Variants in P2RY8 observed in about 807,000 individuals in gnomAD.
P2RY8 encodes the protein S-geranylgeranyl-glutathione receptor P2RY8.
A neutral mutation model predicts 10.0 loss-of-function variants in P2RY8; 6 were observed. The observed-to-expected ratio is 0.60, with a 90% CI of 0.33 to 1.19. The LOEUF (loss-of-function observed/expected upper bound fraction) is 1.19. P2RY8 is among the 50% of genes most tolerant of loss of function. P2RY8 has a pLI of 0.04. For synonymous variants in P2RY8, 276 were observed against 252.5 expected (o/e 1.09, Z -0.88); for missense variants, 456 against 542.0 (o/e 0.84, Z 1.58).
chrX:1,518,102 T>C (rs2092363894), intron 1 of P2RY8, among the ~76,000 whole-genome samples: 1 of 115,610 alleles, frequency 8.6e-6, no homozygotes, highest in African/African-American at 3.4e-5. Flanking sequence ...ACAGCGAAAC[T>C]CCATCTCAAA....
At chrX:1,508,708 A>ATCCATCCAT (rs2092258552) in intron 1 of P2RY8, among the ~76,000 whole-genome samples, 1 of 60,760 alleles carries the variant, frequency 1.6e-5, no homozygotes, top group Non-Finnish European at 3.4e-5. Flanking sequence ...CATCCATTCT[A>ATCCATCCAT]TCTATCTATC....
chrX:1,507,294 C>G (rs1179437923), intron 1 of P2RY8, among the ~76,000 whole-genome samples: 2 of 152,028 alleles, frequency 1.3e-5, no homozygotes. Flanking sequence ...GATGAAGTCC[C>G]CTAGATTTCA....
intron 1 of P2RY8, among the ~76,000 whole-genome samples, chrX:1,470,479 A>T (rs2091770821): frequency 2.0e-5 from 3 of 152,038 alleles, no homozygotes; most frequent in Admixed American, 2.0e-4. Context: ...AGATCACACC[A>T]TTGCACTCCA....
chrX:1,535,964 C>T (rs1398445828), intron 1 of P2RY8, among the ~76,000 whole-genome samples: 1 of 152,006 alleles, frequency 6.6e-6, no homozygotes, highest in African/African-American at 2.4e-5. Flanking sequence ...CTGAGGTGGC[C>T]GTGAGACCCG....
chrX:1,514,873 CCTG>C lies in P2RY8; in HGVS notation c.-25+22045_-25+22047del, dbSNP rs1203344777. Among the ~76,000 whole-genome samples the C allele has an allele frequency of 1.7e-3, 10 of 5,730 alleles. No homozygotes were observed. The East Asian group carries it at 0.046, about 26-fold the overall frequency. The allele number at this position is 5,730 out of a possible 152,430, so 3.8% of individuals were successfully genotyped here. A position where few individuals can be genotyped will look rare whatever the true frequency, so the allele number is the denominator to read the frequency against. On this transcript the variant is annotated intron_variant, in intron 1 of 1. Coordinates refer to ENST00000381297, the MANE Select transcript of P2RY8 (RefSeq NM_178129.5). Reference sequence around the variant, plus strand: ...TCCCTCCCCCTCCCCCTCCCCTTCCCCTGTCTTCCTCTCCCCTCCCCTTCCCCT... The same window carrying C: ...TCCCTCCCCCTCCCCCTCCCCTTCCCTCTTCCTCTCCCCTCCCCTTCCCCT...
At chrX:1,501,614 G>T (rs1284338045) in intron 1 of P2RY8, among the ~76,000 whole-genome samples, 1 of 151,818 alleles carries the variant, frequency 6.6e-6, no homozygotes, top group Non-Finnish European at 1.5e-5. Flanking sequence ...TATTATTTGA[G>T]ACAAAGTTTC....
At chrX:1,530,513 C>G (rs2092466853) in intron 1 of P2RY8, among the ~76,000 whole-genome samples, 1 of 150,236 alleles carries the variant, frequency 6.7e-6, no homozygotes, top group South Asian at 2.2e-4. Context: ...ATATATGTAT[C>G]TAATTTATGT....
chrX:1,465,063 C>T lies in P2RY8; in HGVS notation c.*416G>A, dbSNP rs1212610072. The T allele has an allele frequency of 1.5e-5, 4 of 265,548 alleles. No individual in the cohort carries two copies. Among genetic ancestry groups the T allele is most frequent in the Admixed American group, 1.4e-4 (3 of 20,780 alleles). The allele number at this position is 265,548 out of a possible 1,614,324, so 16.4% of individuals were successfully genotyped here. On this transcript the variant is annotated 3_prime_UTR_variant, in exon 2 of 2. Transcript: ENST00000381297. ...ATATCCAGAAACCGAGTCGGGTAGGCGGTGGGGCTGGTTGAATATCCACCC... is the reference window on the plus strand; with the variant it reads ...ATATCCAGAAACCGAGTCGGGTAGGTGGTGGGGCTGGTTGAATATCCACCC...
intron 1 of P2RY8, among the ~76,000 whole-genome samples, chrX:1,498,347 A>G (rs757328336): frequency 3.8e-3 from 526 of 139,406 alleles, no homozygotes; most frequent in Non-Finnish European, 5.8e-3. Flanking sequence ...CGGAGCTTGC[A>G]GTGAGCCGAG....
At chrX:1,507,608 C>T (rs4076179) in intron 1 of P2RY8, among the ~76,000 whole-genome samples, 5,444 of 152,162 alleles carry the variant, frequency 0.036, 323 homozygotes, top group African/African-American at 0.12. Flanking sequence ...GGGGCCGTGA[C>T]GGCACCCGGT....
chrX:1,533,864 ATATTATT>A (rs1456537095), intron 1 of P2RY8, among the ~76,000 whole-genome samples: 8 of 121,968 alleles, frequency 6.6e-5, no homozygotes, highest in Middle Eastern at 0.011. Flanking sequence ...ATGTATTTAT[ATATTATT>A]TATTATTTAT....
intron 1 of P2RY8, among the ~76,000 whole-genome samples, chrX:1,477,354 G>T (rs1462339332): frequency 6.6e-6 from 1 of 151,314 alleles, no homozygotes; most frequent in Non-Finnish European, 1.5e-5. Context: ...TCTATCAATC[G>T]ATCATCTATC....
chrX:1,474,527 G>A (rs111161766), intron 1 of P2RY8, among the ~76,000 whole-genome samples: 14,078 of 109,598 alleles, frequency 0.13, 2,161 homozygotes, highest in African/African-American at 0.37. Flanking sequence ...TAGATGGGTG[G>A]CTGGATAGAT....
intron 1 of P2RY8, among the ~76,000 whole-genome samples, chrX:1,490,902 C>A (rs2092039958): frequency 7.0e-6 from 1 of 142,606 alleles, no homozygotes; most frequent in African/African-American, 2.7e-5. Context: ...CCCAGATATT[C>A]CCTGCAAATG....
chrX:1,498,350 G>C (rs1362467033), intron 1 of P2RY8, among the ~76,000 whole-genome samples: 1 of 141,392 alleles, frequency 7.1e-6, no homozygotes, highest in Non-Finnish European at 1.5e-5. Flanking sequence ...AGCTTGCAGT[G>C]AGCCGAGATC....
At chrX:1,475,502 T>G (rs1341781615) in intron 1 of P2RY8, among the ~76,000 whole-genome samples, 3 of 151,822 alleles carry the variant, frequency 2.0e-5, no homozygotes, top group Non-Finnish European at 2.9e-5. Flanking sequence ...TTGCTGTTAT[T>G]TAAGCCACCA....
chrX:1,478,707 T>C (rs1397885213), intron 1 of P2RY8, among the ~76,000 whole-genome samples: 13 of 152,102 alleles, frequency 8.5e-5, no homozygotes, highest in Non-Finnish European at 1.8e-4. Context: ...CTCGAACTCC[T>C]GACCTTATGA....
intron 1 of P2RY8, among the ~76,000 whole-genome samples, chrX:1,512,542 G>A (rs1202509060): frequency 2.8e-3 from 154 of 55,112 alleles, no homozygotes; most frequent in African/African-American, 7.2e-3. Context: ...GTGAGACTCC[G>A]TCTCAAAAAA....
intron 1 of P2RY8, among the ~76,000 whole-genome samples, chrX:1,469,283 C>T (rs1397480271): frequency 3.8e-4 from 57 of 150,506 alleles, no homozygotes; most frequent in South Asian, 1.1e-3. Context: ...CCTGCCTCAG[C>T]CTCCTGAGTA....
Sources: allele counts gnomAD v4.1 joint callset (sites outside exome capture counted in the v4.1 genomes callset), GRCh38; gene constraint gnomAD v4.1.1; transcripts MANE v1.5; gene names NCBI Gene and HGNC (gene_info 2026-07-23, HGNC 2026-07-21).